The following TUSC3 variants were observed in gnomAD, a reference collection of about 807,000 sequenced individuals.
The protein encoded by TUSC3 is tumor suppressor candidate 3.
In TUSC3, 45 loss-of-function variants were observed where a neutral mutation model predicts 44.8. That is an observed-to-expected ratio of 1.00 (90% confidence interval 0.79 to 1.29). The LOEUF is 1.29. TUSC3 is among the 50% of genes most tolerant of loss of function. The pLI is 0.00. For missense variants in TUSC3, 519 were observed against 437.9 expected (o/e 1.19, Z -1.65); for synonymous variants, 212 against 152.9 (o/e 1.39, Z -2.85).
rs376264004 is a variant in TUSC3 at position 15,554,600 on chromosome 8, A to ATTTT, written c.138+14049_138+14052dup. 5.0e-4 allele frequency among the ~76,000 whole-genome samples: 56 copies of ATTTT among 111,656 alleles called. 1 individual carries two copies. The highest frequency in any genetic ancestry group is 9.3e-4 in the African/African-American group (28 of 30,216). 73.3% of individuals were successfully genotyped at this position (111,656 alleles called of 152,430 possible). ...CTGTTGACTTTTGCATTTTACTATA[A>ATTTT]TTTTTTTTTTTTTTTTTTTTGAGAT... is the stretch of plus-strand genomic sequence containing the variant. On this transcript the variant is annotated intron_variant, in intron 1 of 10. Coordinates refer to ENST00000503731, the MANE Select transcript of TUSC3 (RefSeq NM_006765.4).
intron 1 of TUSC3, among the ~76,000 whole-genome samples, chr8:15,581,883 C>G (rs1204232417): frequency 7.4e-6 from 1 of 134,538 alleles, no homozygotes; most frequent in Non-Finnish European, 1.6e-5. Context: ...CAAGCCTGGG[C>G]AATGGCGGGC....
chr8:15,680,029 TTG>T (rs1808351937), intron 6 of TUSC3, among the ~76,000 whole-genome samples: 1 of 152,104 alleles, frequency 6.6e-6, no homozygotes, highest in Non-Finnish European at 1.5e-5. Flanking sequence ...CCCTCCAGCT[TTG>T]TTATTTTTGC....
intron 3 of TUSC3, among the ~76,000 whole-genome samples, chr8:15,654,853 G>T (rs1219900234): frequency 1.3e-5 from 2 of 152,030 alleles, no homozygotes; most frequent in African/African-American, 4.8e-5. Flanking sequence ...AGTTCAGAAG[G>T]TATTATGATA....
the TUSC3 span, among the ~76,000 whole-genome samples, chr8:15,843,536 T>C: frequency 6.6e-6 from 1 of 151,448 alleles, no homozygotes. Context: ...TAGAATTTTC[T>C]ACCATCTCAA....
chr8:15,570,960 T>TTTTTTTTTTTTTTTTTTTTTTTC (rs1241256660), intron 1 of TUSC3, among the ~76,000 whole-genome samples: 1 of 114,620 alleles, frequency 8.7e-6, no homozygotes. Context: ...ATTAGTTTTT[T>TTTTTTTTTTTTTTTTTTTTTTTC]TTTTTTTTTT....
At chr8:15,727,302 ATTC>A (rs1426565050) in intron 6 of TUSC3, among the ~76,000 whole-genome samples, 1 of 152,152 alleles carries the variant, frequency 6.6e-6, no homozygotes, top group Non-Finnish European at 1.5e-5. Context: ...ACTCATTGGT[ATTC>A]TTGTGCTTAC....
At chr8:15,837,280 G>A in the TUSC3 span, among the ~76,000 whole-genome samples, 3 of 151,958 alleles carry the variant, frequency 2.0e-5, no homozygotes, top group African/African-American at 7.2e-5. Flanking sequence ...TTTTTCTTAT[G>A]GCATATGTGC....
intron 1 of TUSC3, among the ~76,000 whole-genome samples, chr8:15,582,060 T>G (rs935326323): frequency 6.6e-6 from 1 of 152,116 alleles, no homozygotes; most frequent in African/African-American, 2.4e-5. Context: ...CGGGTGGCAG[T>G]GACCCGATTT....
the TUSC3 span, among the ~76,000 whole-genome samples, chr8:15,851,700 G>C: frequency 6.6e-6 from 1 of 152,140 alleles, no homozygotes; most frequent in South Asian, 2.1e-4. Flanking sequence ...ACATTTCTCT[G>C]ACATGTTGTA....
chr8:15,474,147 A>G (rs1316837121), intron 1 of TUSC3, among the ~76,000 whole-genome samples: 2 of 152,190 alleles, frequency 1.3e-5, no homozygotes, highest in African/African-American at 4.8e-5. Flanking sequence ...TGTCTGCACG[A>G]AGAAAAATAT....
intron 1 of TUSC3, among the ~76,000 whole-genome samples, chr8:15,448,626 G>A (rs1800143453): frequency 1.3e-5 from 2 of 152,158 alleles, no homozygotes; most frequent in Non-Finnish European, 2.9e-5. Flanking sequence ...TAGAAGCAAT[G>A]TTTTAGCCAA....
chr8:15,637,389 CTGGT>C (rs1188957070), intron 2 of TUSC3, among the ~76,000 whole-genome samples: 1 of 152,072 alleles, frequency 6.6e-6, no homozygotes, highest in Non-Finnish European at 1.5e-5. Context: ...TTGAAACATA[CTGGT>C]TTCCTGAGTC....
chr8:15,610,172 C>T (rs1394070553), intron 1 of TUSC3, among the ~76,000 whole-genome samples: 3 of 151,952 alleles, frequency 2.0e-5, no homozygotes, highest in Non-Finnish European at 4.4e-5. Context: ...AGGGGCTTTG[C>T]GTTTTAGGCA....
At chr8:15,786,897 T>A in the TUSC3 span, among the ~76,000 whole-genome samples, 3 of 133,528 alleles carry the variant, frequency 2.2e-5, no homozygotes, top group Admixed American at 9.1e-5. Context: ...TGAGCCGAGA[T>A]CGTGCCACTG....
chr8:15,532,046 C>A (rs1342523515), intron 2 of TUSC3, among the ~76,000 whole-genome samples: 2 of 152,176 alleles, frequency 1.3e-5, no homozygotes, highest in Admixed American at 6.5e-5. Context: ...ATAAAATTGT[C>A]AGTGACTTAC....
At chr8:15,524,762 C>A (rs1443520486) in intron 2 of TUSC3, among the ~76,000 whole-genome samples, 3 of 152,148 alleles carry the variant, frequency 2.0e-5, no homozygotes, top group African/African-American at 7.2e-5. Flanking sequence ...CTCATGAGCG[C>A]ATAGTGAAGT....
intron 1 of TUSC3, among the ~76,000 whole-genome samples, chr8:15,576,467 C>G (rs193074714): frequency 8.7e-6 from 1 of 114,960 alleles, no homozygotes; most frequent in South Asian, 3.6e-4. Flanking sequence ...CCCCCTCCCC[C>G]CACCCCACCA....
chr8:15,439,261 C>T (rs1378849010), intron 1 of TUSC3, among the ~76,000 whole-genome samples: 1 of 152,110 alleles, frequency 6.6e-6, no homozygotes, highest in Non-Finnish European at 1.5e-5. Context: ...AATTACAGAG[C>T]AAGATGGTGA....
chr8:15,749,412 C>G (rs767570015), intron 9 of TUSC3, among the ~76,000 whole-genome samples: 1 of 152,016 alleles, frequency 6.6e-6, no homozygotes, highest in Non-Finnish European at 1.5e-5. Context: ...GATTATAATA[C>G]AAGAATAAGA....
Sources: allele counts gnomAD v4.1 joint callset (sites outside exome capture counted in the v4.1 genomes callset), GRCh38; gene constraint gnomAD v4.1.1; transcripts MANE v1.5; gene names NCBI Gene and HGNC (gene_info 2026-07-23, HGNC 2026-07-21).